Variants in TVP23B observed in about 807,000 individuals in gnomAD.
TVP23B encodes trans-golgi network vesicle protein 23 homolog B.
A neutral mutation model predicts 30.6 loss-of-function variants in TVP23B; 10 were observed. The observed-to-expected ratio is 0.33, with a 90% CI of 0.20 to 0.55. The LOEUF (loss-of-function observed/expected upper bound fraction) is 0.55. TVP23B is among the 20% of genes least tolerant of loss of function. The pLI, the probability that TVP23B is intolerant of heterozygous loss-of-function variation, is 0.91. For missense variants in TVP23B, 153 were observed against 243.2 expected (o/e 0.63, Z 2.47); for synonymous variants, 67 against 83.1 (o/e 0.81, Z 1.06).
intron 4 of TVP23B, among the ~76,000 whole-genome samples, chr17:18,798,293 G>A (rs1464877091): frequency 1.3e-5 from 2 of 152,118 alleles, no homozygotes; most frequent in Non-Finnish European, 2.9e-5. Context: ...TGTGTTCAAT[G>A]AGCCTGTATT....
intron 5 of TVP23B, among the ~76,000 whole-genome samples, chr17:18,802,054 C>G (rs901928173): frequency 7.9e-5 from 12 of 151,790 alleles, no homozygotes; most frequent in Non-Finnish European, 1.5e-4. Context: ...AACCCTGTCT[C>G]TACTAAAAAT....
intron 3 of TVP23B, among the ~76,000 whole-genome samples, chr17:18,792,008 C>T (rs947126920): frequency 1.3e-5 from 2 of 152,122 alleles, no homozygotes; most frequent in African/African-American, 4.8e-5. Flanking sequence ...TATTCACACC[C>T]ACCAATGTAG....
At chr17:18,795,973 G>A (rs1277387739) in intron 3 of TVP23B, 1 of 150,194 alleles carries the variant, frequency 6.7e-6, no homozygotes, top group African/African-American at 2.5e-5. Context: ...CATCTGCTGG[G>A]GGTCTTGGAA....
intron 3 of TVP23B, among the ~76,000 whole-genome samples, chr17:18,791,738 A>C (rs1240934284): frequency 5.3e-5 from 8 of 152,068 alleles, no homozygotes; most frequent in African/African-American, 1.9e-4. Flanking sequence ...GGATAGAAAG[A>C]AGTGTAAGAA....
intron 5 of TVP23B, among the ~76,000 whole-genome samples, chr17:18,801,999 G>A (rs1438315024): frequency 6.6e-6 from 1 of 152,086 alleles, no homozygotes; most frequent in African/African-American, 2.4e-5. Flanking sequence ...AAGGCGGGCG[G>A]ATCACGAGGT....
rs200418789 is a variant in TVP23B at position 18,798,937 on chromosome 17, G to C, written c.456G>C (p.Lys152Asn). Reference sequence around the variant, plus strand: ...GTGCACTCTTCTCCTTCAGAGTAAAGTGGTTGGTGAGTATCAGTGTAGAAC... The same window carrying C: ...GTGCACTCTTCTCCTTCAGAGTAAACTGGTTGGTGAGTATCAGTGTAGAAC... ...AFSALFSFRV[K>N]WLAVVIMGVV... The change falls in exon 5 of 7, where the codon AAG (lysine) becomes AAC (asparagine). Residue 152 changes from lysine to asparagine, a missense_variant. Coordinates refer to ENST00000307767, the MANE Select transcript of TVP23B (RefSeq NM_016078.6). The C allele has an allele frequency of 6.2e-6, 10 of 1,612,448 alleles. No homozygotes were observed. Among genetic ancestry groups the C allele is most frequent in the African/African-American group, 1.3e-5 (1 of 74,734 alleles).
In TVP23B at chr17:18,806,227, C is replaced by G; in HGVS notation, c.*660C>G. The G allele has an allele frequency of 4.2e-6, 4 of 942,390 alleles. No homozygotes were observed. The highest frequency in any genetic ancestry group is 5.1e-6 in the Non-Finnish European group (4 of 790,852). The allele number at this position is 942,390 out of a possible 1,614,324, so 58.4% of individuals were successfully genotyped here. A position where few individuals can be genotyped will look rare whatever the true frequency, so the allele number is the denominator to read the frequency against. ...GGAATCATCATAGTTTAAGGAATAC[C>G]CAGAGATTGCTGCTGTTCTATTTAT... On this transcript the variant is annotated 3_prime_UTR_variant, in exon 7 of 7. Coordinates refer to ENST00000307767, the MANE Select transcript of TVP23B (RefSeq NM_016078.6).
At chr17:18,784,854 A>G (rs1276701595) in intron 1 of TVP23B, among the ~76,000 whole-genome samples, 1 of 152,030 alleles carries the variant, frequency 6.6e-6, no homozygotes, top group East Asian at 1.9e-4. Context: ...ATCTCTAATT[A>G]TTGGAATGCT....
At chr17:18,786,123 C>G (rs1257358797) in intron 1 of TVP23B, among the ~76,000 whole-genome samples, 1 of 152,230 alleles carries the variant, frequency 6.6e-6, no homozygotes, top group Non-Finnish European at 1.5e-5. Context: ...ATCACCTTCT[C>G]TCACTGACCC....
chr17:18,804,394 T>A (rs1438782237), intron 6 of TVP23B, 128 bp downstream of exon 6: 1 of 1,355,836 alleles, frequency 7.4e-7, no homozygotes, highest in African/African-American at 1.5e-5. Flanking sequence ...ATGATAAAGA[T>A]GTTGTAATTG....
At chr17:18,785,332 C>T (rs1016594151) in intron 1 of TVP23B, among the ~76,000 whole-genome samples, 1 of 151,412 alleles carries the variant, frequency 6.6e-6, no homozygotes, top group East Asian at 1.9e-4. Flanking sequence ...CTTTTGTGTC[C>T]GTGGTCTTCC....
intron 3 of TVP23B, among the ~76,000 whole-genome samples, chr17:18,794,916 C>G (rs977859163): frequency 2.0e-5 from 3 of 151,704 alleles, no homozygotes; most frequent in Non-Finnish European, 4.4e-5. Context: ...TGTGTTGCCT[C>G]CCAGATCTGT....
Position 18,804,262 on chromosome 17 carries a change from G to T in TVP23B, c.587G>T (p.Arg196Ile), listed in dbSNP as rs772753484. Residue 196 changes from arginine to isoleucine, a missense_variant, in exon 6 of 7, where the codon AGA becomes ATA. Arg to Ile is a moderately conservative substitution (Grantham distance 97). Coordinates refer to ENST00000307767, the MANE Select transcript of TVP23B (RefSeq NM_016078.6). The stretch of plus-strand genomic sequence containing the variant: ...TCATATTTTGGAAAGCAGTTTTTAA[G>T]ACAAGTAAGTGTTTTCTGGATGTGA... ...ATSYFGKQFL[R>I]QNTGDDQTS is the part of the protein sequence containing the mutation. The T allele has an allele frequency of 1.9e-6, 3 of 1,603,392 alleles. No homozygotes were observed. Among genetic ancestry groups the T allele is most frequent in the Non-Finnish European group, 2.6e-6 (3 of 1,173,512 alleles).
At chr17:18,804,898 A>G (rs865966785) in intron 6 of TVP23B, among the ~76,000 whole-genome samples, 11 of 151,556 alleles carry the variant, frequency 7.3e-5, no homozygotes, top group South Asian at 4.2e-4. Context: ...TGTATGTTGT[A>G]TGGTTTTAGG....
chr17:18,788,748 G>C (rs62075102), intron 1 of TVP23B, among the ~76,000 whole-genome samples: 119,155 of 152,076 alleles, frequency 0.78, 46,780 homozygotes, highest in East Asian at 0.88. Flanking sequence ...TGCCATTGCA[G>C]TCCAGCCTGG....
intron 3 of TVP23B, among the ~76,000 whole-genome samples, chr17:18,793,591 A>C (rs551657855): frequency 6.8e-6 from 1 of 146,570 alleles, no homozygotes; most frequent in East Asian, 2.0e-4. Flanking sequence ...GCAAGACTCC[A>C]TCTCAAAAAA....
chr17:18,797,372 C>G, intron 3 of TVP23B: 1 of 651,016 alleles, frequency 1.5e-6, no homozygotes, highest in Non-Finnish European at 2.6e-6. Flanking sequence ...GTTGCTTGCT[C>G]TGTCACCTCT....
At chr17:18,783,818 A>G (rs1354627669) in intron 1 of TVP23B, among the ~76,000 whole-genome samples, 1 of 152,192 alleles carries the variant, frequency 6.6e-6, no homozygotes, top group Non-Finnish European at 1.5e-5. Flanking sequence ...GCTCACATCA[A>G]CATATAAACG....
chr17:18,784,020 C>T (rs1428712849), intron 1 of TVP23B, among the ~76,000 whole-genome samples: 3 of 152,044 alleles, frequency 2.0e-5, no homozygotes, highest in Non-Finnish European at 4.4e-5. Context: ...TGGCGGGCAC[C>T]TGTAGTCCCA....
Sources: allele counts gnomAD v4.1 joint callset (sites outside exome capture counted in the v4.1 genomes callset), GRCh38; gene constraint gnomAD v4.1.1; transcripts MANE v1.5; gene names NCBI Gene and HGNC (gene_info 2026-07-23, HGNC 2026-07-21).